NRP2: variants seen among roughly 807,000 people sequenced by gnomAD.
The protein encoded by NRP2 is neuropilin 2.
A neutral mutation model predicts 110.4 loss-of-function variants in NRP2; 52 were observed. The observed-to-expected ratio is 0.47, with a 90% CI of 0.38 to 0.59. The LOEUF is 0.59. Ranked by LOEUF, NRP2 falls within the 20% of genes least tolerant of loss-of-function variation. The pLI is 0.00. For missense variants in NRP2, 1,049 were observed against 1,203.0 expected, an observed-to-expected ratio of 0.87 and a Z score of 1.89; for synonymous variants, 508 against 468.9, an observed-to-expected ratio of 1.08 and a Z score of -1.08.
chr2:205,698,141 T>C (rs947484168), intron 2 of NRP2, among the ~76,000 whole-genome samples: 5 of 151,792 alleles, frequency 3.3e-5, no homozygotes, highest in Admixed American at 6.6e-5. Flanking sequence ...AAGTGGAGAC[T>C]TCCCTCGCAT....
Position 205,766,927 on chromosome 2 carries a change from G to A in NRP2, c.2425+124G>A, listed in dbSNP as rs571831050. The A allele has an allele frequency of 1.6e-5, 13 of 835,702 alleles. No individual in the cohort carries two copies. In the African/African-American group the frequency reaches 2.2e-4, roughly 14 times the overall value. The allele number at this position is 835,702 out of a possible 1,614,324, so 51.8% of individuals were successfully genotyped here. On this transcript the variant is annotated intron_variant, in intron 15 of 16. Coordinates refer to ENST00000357785, the MANE Select transcript of NRP2 (RefSeq NM_003872.3). ...TCAAATCTCGCAAGAGAAAAGAGACGCCACACCTTCCTGCCGCTAGATGGC... is the reference window on the plus strand; with the variant it reads ...TCAAATCTCGCAAGAGAAAAGAGACACCACACCTTCCTGCCGCTAGATGGC...
intron 12 of NRP2, among the ~76,000 whole-genome samples, chr2:205,757,815 T>A (rs1473764113): frequency 6.6e-6 from 1 of 151,686 alleles, no homozygotes; most frequent in Non-Finnish European, 1.5e-5. Context: ...AAGAAAAGGA[T>A]AGAGGCCCTT....
intron 2 of NRP2, among the ~76,000 whole-genome samples, chr2:205,707,189 A>T (rs2056696193): frequency 6.6e-6 from 1 of 152,234 alleles, no homozygotes; most frequent in South Asian, 2.1e-4. Context: ...TGGGATGGGG[A>T]GAGAAGGTGA....
chr2:205,697,935 G>T (rs533652811), intron 2 of NRP2: 155 of 613,920 alleles, frequency 2.5e-4, no homozygotes, highest in Non-Finnish European at 9.9e-5. Context: ...GAGCCTTCTT[G>T]AGTGAAAAGT....
chr2:205,743,599 G>T (rs913773095), intron 9 of NRP2, 47 bp downstream of exon 9: 1 of 1,604,476 alleles, frequency 6.2e-7, no homozygotes, highest in South Asian at 1.1e-5. Context: ...CAACAGGGAG[G>T]CTAAGTGTGG....
At chr2:205,773,382 T>C (rs535735743) in intron 15 of NRP2, among the ~76,000 whole-genome samples, 58 of 152,208 alleles carry the variant, frequency 3.8e-4, no homozygotes, top group Non-Finnish European at 7.9e-4. Flanking sequence ...TGAATTCACA[T>C]AGTACTATTT....
chr2:205,696,614 G>A (rs2105885681), intron 1 of NRP2, among the ~76,000 whole-genome samples: 1 of 152,318 alleles, frequency 6.6e-6, no homozygotes, highest in South Asian at 2.1e-4. Context: ...GCCTTTGAAG[G>A]TGGCTCCCTT....
intron 2 of NRP2, among the ~76,000 whole-genome samples, chr2:205,710,855 T>A (rs1489854880): frequency 6.6e-6 from 1 of 152,236 alleles, no homozygotes; most frequent in Non-Finnish European, 1.5e-5. Flanking sequence ...TTCTCTGGCC[T>A]GGATAATCTA....
At chr2:205,685,322 G>T (rs1221520895) in intron 1 of NRP2, among the ~76,000 whole-genome samples, 1 of 152,202 alleles carries the variant, frequency 6.6e-6, no homozygotes, top group African/African-American at 2.4e-5. Context: ...CCCAAAATGC[G>T]ATCTCAAGCC....
Position 205,758,185 on chromosome 2 carries a change from T to C in NRP2, c.2044+5210T>C, listed in dbSNP as rs115710574. On this transcript the variant is annotated intron_variant, in intron 12 of 16. Coordinates refer to ENST00000357785, the MANE Select transcript of NRP2 (RefSeq NM_003872.3). ...GGACCTTAGCAGAGATAGGCAGACC[T>C]TGGAAGGCCAGCTGAGGGCTGACTC... 8.6e-3 allele frequency among the ~76,000 whole-genome samples: 1,311 copies of C among 152,326 alleles called. 10 individuals carry two copies. Among genetic ancestry groups the C allele is most frequent in the Middle Eastern group, 0.078 (23 of 294 alleles).
chr2:205,703,562 C>T (rs111515676), intron 2 of NRP2, among the ~76,000 whole-genome samples: 1 of 152,204 alleles, frequency 6.6e-6, no homozygotes, highest in African/African-American at 2.4e-5. Context: ...TGCTGTCTGC[C>T]TCCCCGGCAT....
chr2:205,743,452 C>T lies in NRP2; in HGVS notation c.1541C>T (p.Ala514Val), dbSNP rs1363511821. The T allele has an allele frequency of 1.7e-5, 28 of 1,614,110 alleles. No homozygotes were observed. The highest frequency in any genetic ancestry group is 2.0e-5 in the Non-Finnish European group (24 of 1,180,060). Residue 514 changes from alanine to valine, a missense_variant, in exon 9 of 17, where the codon GCT becomes GTT. Transcript: ENST00000357785. ...GCCCGCGGAGGAGACAGTATCACTGCTGTGGAAGCCAGAGCATTTGTGCGC... is the reference window on the plus strand; with the variant it reads ...GCCCGCGGAGGAGACAGTATCACTGTTGTGGAAGCCAGAGCATTTGTGCGC... Reference protein sequence around the residue: ...QGARGGDSITAVEARAFVRKF... With the variant: ...QGARGGDSITVVEARAFVRKF...
chr2:205,729,054 G>C (rs1451406401), intron 7 of NRP2, among the ~76,000 whole-genome samples: 2 of 152,230 alleles, frequency 1.3e-5, no homozygotes, highest in African/African-American at 4.8e-5. Flanking sequence ...CAAGCCTAGG[G>C]AGGCCAAAGA....
At chr2:205,721,760 C>T (rs534635643) in intron 3 of NRP2, among the ~76,000 whole-genome samples, 1 of 152,362 alleles carries the variant, frequency 6.6e-6, no homozygotes, top group South Asian at 2.1e-4. Context: ...AATGTCAATG[C>T]ACTGCTGCAT....
chr2:205,693,915 A>G (rs41421252), intron 1 of NRP2, among the ~76,000 whole-genome samples: 6 of 152,240 alleles, frequency 3.9e-5, no homozygotes, highest in Non-Finnish European at 7.3e-5. Context: ...TTTAGCAAAT[A>G]TTATTGTCAA....
chr2:205,786,100 G>T (rs530826981), intron 15 of NRP2, among the ~76,000 whole-genome samples: 251 of 152,272 alleles, frequency 1.6e-3, no homozygotes, highest in South Asian at 8.9e-3. Context: ...AGGAGATTTG[G>T]CAAAGTTTAG....
chr2:205,730,978 T>C (rs2057227764), intron 7 of NRP2, among the ~76,000 whole-genome samples: 2 of 152,202 alleles, frequency 1.3e-5, no homozygotes, highest in Non-Finnish European at 2.9e-5. Flanking sequence ...TGAGGTCGCC[T>C]ATGAGAAAGT....
chr2:205,781,774 G>A (rs886245115), intron 15 of NRP2, among the ~76,000 whole-genome samples: 3 of 152,228 alleles, frequency 2.0e-5, no homozygotes, highest in African/African-American at 7.2e-5. Context: ...GAGAAAAAGG[G>A]AGGGGGCGAG....
intron 1 of NRP2, among the ~76,000 whole-genome samples, chr2:205,695,464 A>G (rs946866231): frequency 2.6e-5 from 4 of 152,042 alleles, no homozygotes; most frequent in Admixed American, 2.0e-4. Flanking sequence ...CCCTTTCAAG[A>G]GTAATTGGAG....
Sources: allele counts gnomAD v4.1 joint callset (sites outside exome capture counted in the v4.1 genomes callset), GRCh38; gene constraint gnomAD v4.1.1; transcripts MANE v1.5; gene names NCBI Gene and HGNC (gene_info 2026-07-23, HGNC 2026-07-21).